EDEM2: variants seen among roughly 807,000 people sequenced by gnomAD.
EDEM2 encodes the protein ER degradation-enhancing alpha-mannosidase-like protein 2.
EDEM2 carries 39 observed loss-of-function variants against 64.8 expected under a neutral mutation model. The ratio of observed to expected loss-of-function variants is 0.60; its 90% CI spans 0.47 to 0.79. EDEM2 has a LOEUF of 0.79. Ranked by LOEUF, EDEM2 falls within the 30% of genes least tolerant of loss-of-function variation. EDEM2 has a pLI of 0.00. For missense variants in EDEM2, 609 were observed against 731.3 expected, an observed-to-expected ratio of 0.83 and a Z score of 1.93; for synonymous variants, 296 against 291.5, an observed-to-expected ratio of 1.02 and a Z score of -0.16.
chr20:35,137,887 G>A lies in EDEM2; in HGVS notation c.483C>T (p.Leu161=). The change falls in exon 5 of 11, where the codon CTC becomes CTT. Residue 161 remains leucine (L), a synonymous_variant. Transcript: ENST00000374492. ...TCTCTGTGTGGGTCTTACCTGGGAG[G>A]AGTTTTCGGGCCGCCTCCTCAGCCA... ...LRMAEEAARK[L]LPAFQTPTGM... is the part of the protein sequence containing the mutation. 1 of 1,614,032 alleles carries A rather than the reference G, an allele frequency of 6.2e-7. No homozygotes were observed. Among genetic ancestry groups the A allele is most frequent in the Non-Finnish European group, 8.5e-7 (1 of 1,179,950 alleles).
Position 35,128,243 on chromosome 20 carries a change from T to C in EDEM2, c.845-1868A>G, listed in dbSNP as rs1006118915. Among the ~76,000 whole-genome samples, 4 of 151,238 alleles carry C rather than the reference T, an allele frequency of 2.6e-5. No homozygotes were observed. The East Asian group carries it at 5.8e-4, about 22-fold the overall frequency. Reference sequence around the variant, plus strand: ...TAAAAATACAAAAAAATTAGCTGGGTGTGGTGGCGGGCGCCTGTAATCCCA... The same window carrying C: ...TAAAAATACAAAAAAATTAGCTGGGCGTGGTGGCGGGCGCCTGTAATCCCA... On this transcript the variant is annotated intron_variant, in intron 7 of 10. Coordinates refer to ENST00000374492, the MANE Select transcript of EDEM2 (RefSeq NM_018217.3).
At chr20:35,129,411 G>GA (rs974099346) in intron 7 of EDEM2, among the ~76,000 whole-genome samples, 17 of 139,342 alleles carry the variant, frequency 1.2e-4, no homozygotes, top group South Asian at 4.7e-4. Flanking sequence ...TGTCTTTAAA[G>GA]AAAAAAAAAA....
At chr20:35,121,332 C>T (rs1342028713) in intron 9 of EDEM2, among the ~76,000 whole-genome samples, 4 of 152,142 alleles carry the variant, frequency 2.6e-5, no homozygotes, top group Non-Finnish European at 5.9e-5. Context: ...ACCTAGATCC[C>T]TCACATATGC....
At chr20:35,135,559 G>A (rs1315299902) in intron 5 of EDEM2, among the ~76,000 whole-genome samples, 1 of 152,178 alleles carries the variant, frequency 6.6e-6, no homozygotes, top group African/African-American at 2.4e-5. Context: ...ACTGAGGCAC[G>A]AGAATCGTTT....
intron 6 of EDEM2, among the ~76,000 whole-genome samples, chr20:35,133,888 G>A (rs567912894): frequency 1.3e-5 from 2 of 152,290 alleles, no homozygotes; most frequent in Middle Eastern, 3.4e-3. Context: ...TCCTAAGTCA[G>A]AGTGACTCAG....
At chr20:35,143,757 C>T (rs1182773234) in intron 3 of EDEM2, among the ~76,000 whole-genome samples, 1 of 152,076 alleles carries the variant, frequency 6.6e-6, no homozygotes, top group Non-Finnish European at 1.5e-5. Flanking sequence ...TGCTCTGTTA[C>T]ACAGGTTGGA....
At chr20:35,116,046 C>G (rs565536178) in intron 10 of EDEM2, 113 bp from the exon 11 acceptor site, 1 of 1,169,498 alleles carries the variant, frequency 8.6e-7, no homozygotes, top group African/African-American at 1.5e-5. Flanking sequence ...GGCCTGTGAG[C>G]AAATCACTGA....
intron 4 of EDEM2, among the ~76,000 whole-genome samples, chr20:35,141,755 A>C (rs1215777902): frequency 6.6e-6 from 1 of 152,192 alleles, no homozygotes; most frequent in African/African-American, 2.4e-5. Flanking sequence ...CATTAGGTTT[A>C]GGGTGGAGTC....
intron 9 of EDEM2, among the ~76,000 whole-genome samples, chr20:35,120,729 C>A (rs1465353674): frequency 6.6e-6 from 1 of 151,792 alleles, no homozygotes; most frequent in African/African-American, 2.4e-5. Context: ...TCCTGAGTAG[C>A]TGGGACTACA....
chr20:35,146,573 G>A (rs1044579289), intron 2 of EDEM2, among the ~76,000 whole-genome samples: 4 of 152,196 alleles, frequency 2.6e-5, no homozygotes, highest in African/African-American at 9.6e-5. Flanking sequence ...CCCCACAGCT[G>A]ATGCCTGTTA....
Position 35,142,422 on chromosome 20 carries a change from C to T in EDEM2, c.315G>A (p.Val105=), listed in dbSNP as rs1366393898. ...QRVVEVLQDS[V]DFDIDVNASV... ...AGGCGTTCACATCAATATCAAAGTC[C>T]ACGCTGTCCTGGAGCACTTCAACCA... The change falls in exon 4 of 11, where the codon GTG becomes GTA. Residue 105 remains valine (V), a synonymous_variant. Coordinates refer to ENST00000374492, the MANE Select transcript of EDEM2 (RefSeq NM_018217.3). The T allele has an allele frequency of 6.2e-7, 1 of 1,614,074 alleles. No individual in the cohort carries two copies. Among genetic ancestry groups the T allele is most frequent in the South Asian group, 1.1e-5 (1 of 91,078 alleles).
intron 7 of EDEM2, among the ~76,000 whole-genome samples, chr20:35,127,364 T>G (rs1386174530): frequency 6.6e-6 from 1 of 152,210 alleles, no homozygotes; most frequent in African/African-American, 2.4e-5. Flanking sequence ...AAGCACCTAC[T>G]AGGTTCCAGG....
chr20:35,143,478 T>TAATG (rs919952150), intron 3 of EDEM2, among the ~76,000 whole-genome samples: 7 of 152,372 alleles, frequency 4.6e-5, no homozygotes, highest in African/African-American at 1.7e-4. Flanking sequence ...GGCTGGTCTC[T>TAATG]AATGACACAG....
At chr20:35,126,421 GA>G in intron 7 of EDEM2, 46 bp from the exon 8 acceptor site, 15 of 1,604,202 alleles carry the variant, frequency 9.4e-6, no homozygotes, top group Non-Finnish European at 1.3e-5. Context: ...TGATTAGGGA[GA>G]AAAAAGGCAG....
At chr20:35,141,684 A>G (rs1432107964) in intron 4 of EDEM2, among the ~76,000 whole-genome samples, 1 of 152,212 alleles carries the variant, frequency 6.6e-6, no homozygotes, top group Non-Finnish European at 1.5e-5. Context: ...CTGGCTTCAC[A>G]AGAATCACTG....
intron 9 of EDEM2, 35 bp from the exon 10 acceptor site, chr20:35,118,754 G>A: frequency 5.0e-6 from 8 of 1,609,860 alleles, no homozygotes; most frequent in East Asian, 2.2e-5. Context: ...CTCACTCAGT[G>A]GCTGCACAGA....
rs2146091987 is a variant in EDEM2 at position 35,123,948 on chromosome 20, G to GA, written c.1055dup (p.Tyr353LeufsTer23). The GA allele has an allele frequency of 6.2e-7, 1 of 1,614,194 alleles. No homozygotes were observed. Among genetic ancestry groups the GA allele is most frequent in the East Asian group, 2.2e-5 (1 of 44,882 alleles). ...CTGTGTATCCCTGAGGAATGTTGTAGAATTCCGGGAGCCCCCCAAACTGCT... is the reference window on the plus strand; with the variant it reads ...CTGTGTATCCCTGAGGAATGTTGTAGAAATTCCGGGAGCCCCCCAAACTGCT... On this transcript the variant is annotated frameshift_variant, in exon 9 of 11. Transcript: ENST00000374492. LOFTEE classifies it high-confidence loss of function.
intron 3 of EDEM2, among the ~76,000 whole-genome samples, chr20:35,144,583 C>T (rs1275025135): frequency 6.6e-6 from 1 of 152,114 alleles, no homozygotes; most frequent in Non-Finnish European, 1.5e-5. Context: ...ATCTGCCTGC[C>T]TCGGCCTTCC....
chr20:35,127,697 G>A (rs1273362551), intron 7 of EDEM2, among the ~76,000 whole-genome samples: 3 of 152,202 alleles, frequency 2.0e-5, no homozygotes, highest in African/African-American at 7.2e-5. Context: ...TTGAATAAAT[G>A]AGTAAAGTAG....
Sources: allele counts gnomAD v4.1 joint callset (sites outside exome capture counted in the v4.1 genomes callset), GRCh38; gene constraint gnomAD v4.1.1; transcripts MANE v1.5; gene names NCBI Gene and HGNC (gene_info 2026-07-23, HGNC 2026-07-21).